NEDD4L: variants seen among roughly 807,000 people sequenced by gnomAD.
NEDD4L encodes E3 ubiquitin-protein ligase NEDD4-like.
In NEDD4L, 54 loss-of-function variants were observed where a neutral mutation model predicts 148.9. That is an observed-to-expected ratio of 0.36 (90% CI 0.29 to 0.45). NEDD4L has a LOEUF of 0.45. Ranked by LOEUF, NEDD4L falls within the 20% of genes least tolerant of loss-of-function variation. NEDD4L has a pLI of 1.00. For missense variants in NEDD4L, 856 were observed against 1,233.8 expected, an observed-to-expected ratio of 0.69 and a Z score of 4.59; for synonymous variants, 433 against 440.7, an observed-to-expected ratio of 0.98 and a Z score of 0.22.
At chr18:58,387,822 C>T (rs966029077) in intron 27 of NEDD4L, 5 of 189,214 alleles carry the variant, frequency 2.6e-5, no homozygotes, top group East Asian at 1.5e-4. Flanking sequence ...ATGCACCAGG[C>T]GAGGCAAATT....
intron 5 of NEDD4L, among the ~76,000 whole-genome samples, chr18:58,290,354 A>T (rs1019008131): frequency 1.1e-4 from 16 of 152,260 alleles, no homozygotes; most frequent in African/African-American, 3.4e-4. Context: ...GGACAGTCTA[A>T]AATAGATCCA....
chr18:58,229,353 A>G (rs1347239704), intron 2 of NEDD4L, among the ~76,000 whole-genome samples: 2 of 152,134 alleles, frequency 1.3e-5, no homozygotes, highest in Admixed American at 6.5e-5. Context: ...TTAGTTGCTC[A>G]GGTTTCAAAC....
intron 2 of NEDD4L, among the ~76,000 whole-genome samples, chr18:58,197,407 C>T (rs568723619): frequency 3.3e-5 from 5 of 152,146 alleles, no homozygotes; most frequent in Non-Finnish European, 5.9e-5. Flanking sequence ...AAGAAGGAAA[C>T]GGGGCCCCCT....
In NEDD4L at chr18:58,330,820, G is replaced by T; in HGVS notation, c.896G>T (p.Gly299Val). ...CTGCCCCCACCACCGGCCTCCCCAG[G>T]ATCTCGGACCAGCCCTCAGGAGCTG... is the stretch of plus-strand genomic sequence containing the variant. ...LALPPPPASP[G>V]SRTSPQELSE... is the part of the protein sequence containing the mutation. The change falls in exon 11 of 31, where the codon GGA (glycine) becomes GTA (valine). Residue 299 changes from glycine to valine, a missense_variant. Physicochemically the swap from Gly to Val is moderately radical, Grantham distance 109. Transcript: ENST00000400345. 1.2e-6 allele frequency: 2 copies of T among 1,613,910 alleles called. 1 individual carries two copies. The highest frequency in any genetic ancestry group is 2.2e-5 in the South Asian group (2 of 91,060).
At chr18:58,369,938 G>GC (rs2046630116) in intron 22 of NEDD4L, among the ~76,000 whole-genome samples, 1 of 152,122 alleles carries the variant, frequency 6.6e-6, no homozygotes, top group Non-Finnish European at 1.5e-5. Context: ...ATTTCACCTG[G>GC]CCTTTCACTG....
rs2149493353 is a variant in NEDD4L, at chr18:58,323,306, A to C, written c.485A>C (p.Glu162Ala). ...CCAAAAAATGGAGGTCAAGATGAAGAAAACAGTGACCAGAGGGATGACATG... is the reference window on the plus strand; with the variant it reads ...CCAAAAAATGGAGGTCAAGATGAAGCAAACAGTGACCAGAGGGATGACATG... ...YMPKNGGQDE[E>A]NSDQRDDMEH... The change falls in exon 8 of 31, where the codon GAA (glutamate) becomes GCA (alanine). Residue 162 changes from glutamate to alanine, a missense_variant. Around this residue, in one of 4 missense-constraint regions of NEDD4L, gnomAD observed 193 missense variants for 244.2 expected, o/e 0.79. Transcript: ENST00000400345. 1 of 1,597,940 alleles carries C rather than the reference A, an allele frequency of 6.3e-7. No homozygotes were observed. The highest frequency in any genetic ancestry group is 2.2e-5 in the East Asian group (1 of 44,542).
chr18:58,065,508 T>TATG (rs1475771557), intron 1 of NEDD4L, among the ~76,000 whole-genome samples: 4 of 152,218 alleles, frequency 2.6e-5, no homozygotes, highest in African/African-American at 9.6e-5. Context: ...TCTTAGCCAG[T>TATG]GATGACAGTA....
At chr18:58,073,411 G>A (rs983088601) in intron 1 of NEDD4L, among the ~76,000 whole-genome samples, 1 of 152,186 alleles carries the variant, frequency 6.6e-6, no homozygotes, top group Non-Finnish European at 1.5e-5. Flanking sequence ...AGAGATCCAT[G>A]GAATTGAATT....
chr18:58,315,510 A>G (rs1299054054), intron 5 of NEDD4L, among the ~76,000 whole-genome samples: 1 of 151,860 alleles, frequency 6.6e-6, no homozygotes, highest in Non-Finnish European at 1.5e-5. Context: ...AAAAGTGTGT[A>G]TTTTTTTGTG....
At chr18:58,316,449 G>A (rs772223186) in intron 6 of NEDD4L, among the ~76,000 whole-genome samples, 4 of 152,148 alleles carry the variant, frequency 2.6e-5, no homozygotes, top group Non-Finnish European at 5.9e-5. Context: ...CATTTCTCTT[G>A]GATTCCTGTA....
intron 2 of NEDD4L, among the ~76,000 whole-genome samples, chr18:58,191,140 AAAAAC>A (rs1429318271): frequency 6.6e-6 from 1 of 152,222 alleles, no homozygotes; most frequent in African/African-American, 2.4e-5. Flanking sequence ...TTAAGAAAGA[AAAAAC>A]AAAAACTAGT....
intron 24 of NEDD4L, among the ~76,000 whole-genome samples, chr18:58,382,139 G>C (rs988552328): frequency 2.0e-5 from 3 of 152,236 alleles, no homozygotes; most frequent in Non-Finnish European, 4.4e-5. Context: ...TGTGTTTTAC[G>C]TTGAAAAGCC....
chr18:58,332,522 C>T (rs936756450), intron 11 of NEDD4L, among the ~76,000 whole-genome samples: 2 of 152,118 alleles, frequency 1.3e-5, no homozygotes, highest in African/African-American at 2.4e-5. Context: ...GTGGGGTGCA[C>T]CTGTAGTTCC....
intron 5 of NEDD4L, among the ~76,000 whole-genome samples, chr18:58,261,089 A>G (rs886217451): frequency 1.3e-5 from 2 of 152,220 alleles, no homozygotes; most frequent in Non-Finnish European, 2.9e-5. Flanking sequence ...ATGGCATTTA[A>G]CACAAGGACA....
At chr18:58,321,026 A>G (rs997391340) in intron 6 of NEDD4L, among the ~76,000 whole-genome samples, 7 of 152,196 alleles carry the variant, frequency 4.6e-5, no homozygotes, top group African/African-American at 1.7e-4. Flanking sequence ...GAGAGCCTCC[A>G]TAGTTTACTA....
intron 5 of NEDD4L, among the ~76,000 whole-genome samples, chr18:58,282,019 C>T (rs1214377275): frequency 2.7e-5 from 4 of 148,748 alleles, no homozygotes; most frequent in South Asian, 2.1e-4. Flanking sequence ...AGTGAGACTC[C>T]GTCTCACAAA....
chr18:58,134,787 G>C lies in NEDD4L; in HGVS notation c.49-31001G>C, dbSNP rs1360248227. 1.3e-3 allele frequency among the ~76,000 whole-genome samples: 81 copies of C among 62,780 alleles called. 1 individual carries two copies. Among genetic ancestry groups the C allele is most frequent in the African/African-American group, 5.3e-3 (81 of 15,156 alleles). The allele number at this position is 62,780 out of a possible 152,430, so 41.2% of individuals were successfully genotyped here. ...AATTTTCATTTTTTTTTTTTTTTTT[G>C]ATATTCAGGGAACCTGAGGCGAATG... On this transcript the variant is annotated intron_variant, in intron 1 of 30. Transcript: ENST00000400345.
chr18:58,163,394 C>A (rs1400098710), intron 1 of NEDD4L, among the ~76,000 whole-genome samples: 2 of 152,220 alleles, frequency 1.3e-5, no homozygotes, highest in Non-Finnish European at 2.9e-5. Context: ...ACCCTGACTC[C>A]CAGCCTGTGA....
chr18:58,296,766 AC>A (rs1184800018), intron 5 of NEDD4L, among the ~76,000 whole-genome samples: 7 of 152,340 alleles, frequency 4.6e-5, no homozygotes, highest in Admixed American at 2.6e-4. Flanking sequence ...TACTAAAAAT[AC>A]AAAAATTAGC....
Sources: gnomAD v4.1 joint callset for allele counts (sites outside exome capture counted in the v4.1 genomes callset) on GRCh38, gnomAD v4.1.1 for gene constraint, gnomAD v4.1.1 regional missense constraint, MANE v1.5 for transcripts, NCBI Gene and HGNC (gene_info 2026-07-23, HGNC 2026-07-21) for gene names.